Variants in CAP1 observed in about 807,000 individuals in gnomAD.
CAP1 encodes cyclase associated actin cytoskeleton regulatory protein 1, also known as adenylyl cyclase-associated protein 1.
A neutral mutation model predicts 58.2 loss-of-function variants in CAP1; 11 were observed. That is an observed-to-expected ratio of 0.19 (90% CI 0.12 to 0.31). The LOEUF is 0.31. Ranked by LOEUF, CAP1 falls within the 10% of genes least tolerant of loss-of-function variation. The pLI is 1.00. For missense variants in CAP1, 423 were observed against 587.5 expected, an observed-to-expected ratio of 0.72 and a Z score of 2.89; for synonymous variants, 183 against 213.8, an observed-to-expected ratio of 0.86 and a Z score of 1.26.
At chr1:40,053,271 A>G (rs891971146) in intron 1 of CAP1, among the ~76,000 whole-genome samples, 2 of 152,206 alleles carry the variant, frequency 1.3e-5, no homozygotes, top group African/African-American at 4.8e-5. Context: ...TAAAGACACC[A>G]TAAAGAGACC....
chr1:40,053,361 A>G (rs191903440), intron 1 of CAP1, among the ~76,000 whole-genome samples: 2 of 152,340 alleles, frequency 1.3e-5, no homozygotes, highest in East Asian at 3.8e-4. Context: ...GTTAAAAGCC[A>G]TTGTGGAGTA....
At chr1:40,071,394 A>G in intron 12 of CAP1, 56 bp from the exon 13 acceptor site, 1 of 1,241,496 alleles carries the variant, frequency 8.1e-7, no homozygotes, top group East Asian at 2.3e-5. Flanking sequence ...TGTGAGATTT[A>G]GCCCCAGCTG....
At chr1:40,046,485 A>C (rs1454752152) in intron 1 of CAP1, among the ~76,000 whole-genome samples, 2 of 152,092 alleles carry the variant, frequency 1.3e-5, no homozygotes, top group Admixed American at 1.3e-4. Flanking sequence ...CAAAACAAAA[A>C]AAAACAAACA....
intron 4 of CAP1, among the ~76,000 whole-genome samples, chr1:40,062,226 TC>T (rs1557688653): frequency 8.1e-4 from 12 of 14,794 alleles, no homozygotes; most frequent in African/African-American, 1.6e-3. Context: ...TGGGAGACTC[TC>T]TCTTTAATTT....
At chr1:40,044,697 T>C (rs1275077835) in intron 1 of CAP1, among the ~76,000 whole-genome samples, 1 of 152,060 alleles carries the variant, frequency 6.6e-6, no homozygotes. Flanking sequence ...ACTAGCATTT[T>C]ACTTAACCTT....
chr1:40,042,741 G>T (rs1305692066), intron 1 of CAP1, among the ~76,000 whole-genome samples: 1 of 152,192 alleles, frequency 6.6e-6, no homozygotes. Context: ...CTGTGGGGAA[G>T]TAAAACAGTG....
intron 3 of CAP1, 106 bp from the exon 4 acceptor site, chr1:40,061,629 G>T (rs1646855125): frequency 2.3e-6 from 2 of 870,442 alleles, no homozygotes. Context: ...AACATGAAGT[G>T]CCTGGGTTGC....
At chr1:40,052,412 C>A (rs1256879695) in intron 1 of CAP1, among the ~76,000 whole-genome samples, 1 of 152,082 alleles carries the variant, frequency 6.6e-6, no homozygotes, top group Non-Finnish European at 1.5e-5. Flanking sequence ...ATGATGAATG[C>A]TTAAGTAGTT....
At chr1:40,060,956 T>C (rs897584636) in intron 3 of CAP1, among the ~76,000 whole-genome samples, 1 of 152,218 alleles carries the variant, frequency 6.6e-6, no homozygotes, top group African/African-American at 2.4e-5. Flanking sequence ...GAAAAAACTT[T>C]AAAACATTTA....
At chr1:40,063,457 G>A (rs187223106) in intron 4 of CAP1, among the ~76,000 whole-genome samples, 111 of 152,280 alleles carry the variant, frequency 7.3e-4, no homozygotes, top group Non-Finnish European at 1.1e-3. Context: ...GATTACAGGC[G>A]TGAGCCACCA....
rs1648012202 is a variant in CAP1, at chr1:40,071,446, G to C, written c.1345-4G>C. 6.2e-7 allele frequency: 1 copy of C among 1,606,198 alleles called. No individual in the cohort carries two copies. The highest frequency in any genetic ancestry group is 1.7e-5 in the Admixed American group (1 of 59,742). ...TAAACCTGCTGTCTCTTCTTTATTT[G>C]CAGAATGAATTCCCAGTTCCTGAGC... On this transcript the variant is annotated splice_polypyrimidine_tract_variant and splice_region_variant and intron_variant, in intron 12 of 12. Transcript: ENST00000372805.
At chr1:40,053,727 A>G (rs61130265) in intron 1 of CAP1, among the ~76,000 whole-genome samples, 21,605 of 152,106 alleles carry the variant, frequency 0.14, 1,846 homozygotes, top group African/African-American at 0.24. Context: ...GATTACAGGC[A>G]TGAGCCACCG....
chr1:40,046,627 A>G (rs542838808), intron 1 of CAP1, among the ~76,000 whole-genome samples: 1 of 152,286 alleles, frequency 6.6e-6, no homozygotes, highest in East Asian at 1.9e-4. Context: ...TCATTGTGGG[A>G]ACATCATAGA....
chr1:40,060,230 C>T, intron 3 of CAP1, 60 bp downstream of exon 3: 6 of 1,258,048 alleles, frequency 4.8e-6, no homozygotes, highest in Non-Finnish European at 6.9e-6. Context: ...TTCAGTCAGC[C>T]AAGGTCCTCA....
rs768666322 is a variant in CAP1, at chr1:40,059,495, A to G, written c.112+37A>G. On this transcript the variant is annotated intron_variant, in intron 2 of 12. Transcript: ENST00000372805. ...ACAGCCCAGCAGAATGCTTTCTTTG[A>G]GCGTCTTGGCCTGAAAATTTTCTAT... The G allele has an allele frequency of 3.9e-6, 5 of 1,292,966 alleles. No homozygotes were observed. In the African/African-American group the frequency reaches 7.3e-5, roughly 19 times the overall value. The allele number at this position is 1,292,966 out of a possible 1,614,324, so 80.1% of individuals were successfully genotyped here. A position where few individuals can be genotyped will look rare whatever the true frequency, so the allele number is the denominator to read the frequency against.
At chr1:40,045,862 A>AT (rs1352346776) in intron 1 of CAP1, among the ~76,000 whole-genome samples, 2 of 152,020 alleles carry the variant, frequency 1.3e-5, no homozygotes, top group African/African-American at 4.8e-5. Flanking sequence ...CAAATGTTTG[A>AT]TTTTTTTCAG....
intron 1 of CAP1, among the ~76,000 whole-genome samples, chr1:40,053,699 A>G (rs1034806566): frequency 6.6e-6 from 1 of 152,146 alleles, no homozygotes; most frequent in African/African-American, 2.4e-5. Context: ...CACTCACCTC[A>G]GCCTCCCAAA....
At chr1:40,043,447 C>T (rs969557089) in intron 1 of CAP1, among the ~76,000 whole-genome samples, 8 of 152,110 alleles carry the variant, frequency 5.3e-5, no homozygotes, top group Admixed American at 1.3e-4. Flanking sequence ...CCGCCTGCCT[C>T]GCCCTCCCAA....
intron 10 of CAP1, 52 bp from the exon 11 acceptor site, chr1:40,070,378 A>G (rs1647662927): frequency 3.2e-6 from 5 of 1,566,786 alleles, no homozygotes; most frequent in African/African-American, 3.2e-5. Flanking sequence ...TCCTAAATGT[A>G]TATTACTTTC....
Sources: gnomAD v4.1 joint callset for allele counts (sites outside exome capture counted in the v4.1 genomes callset) on GRCh38, gnomAD v4.1.1 for gene constraint, MANE v1.5 for transcripts, NCBI Gene and HGNC (gene_info 2026-07-23, HGNC 2026-07-21) for gene names.